TMEM119: variants seen among roughly 807,000 people sequenced by gnomAD.
TMEM119 encodes transmembrane protein 119.
For missense variants in TMEM119, 410 were observed against 381.0 expected (o/e 1.08, Z -0.63); for synonymous variants, 182 against 176.4 (o/e 1.03, Z -0.25).
Position 108,591,591 on chromosome 12 carries a change from C to T in TMEM119, c.793G>A (p.Gly265Arg). The stretch of plus-strand genomic sequence containing the variant: ...GGGCTTTCGGGGGGACCCACTGGTC[C>T]CTGGGCTTCCTGGGCTAACAAGAGA... ...GSLLLAQEAQ[G>R]PVGPPESPCA... Residue 265 changes from glycine to arginine, a missense_variant, in exon 2 of 2, where the codon GGA becomes AGA. Physicochemically the swap from Gly to Arg is moderately radical, Grantham distance 125. Coordinates refer to ENST00000392806, the MANE Select transcript of TMEM119 (RefSeq NM_181724.3). The surrounding 1 kb of genome is among the most constrained non-coding windows in gnomAD (Gnocchi z 4.2). 1 of 1,613,606 alleles carries T rather than the reference C, an allele frequency of 6.2e-7. No individual in the cohort carries two copies. Among genetic ancestry groups the T allele is most frequent in the African/African-American group, 1.3e-5 (1 of 75,024 alleles).
At position 108,590,219 on chromosome 12, in the gene TMEM119, T is replaced by C. The variant is rs565520108; in HGVS notation, c.*1313A>G. 7 of 152,166 alleles carry C rather than the reference T, an allele frequency of 4.6e-5. No homozygotes were observed. The highest frequency in any genetic ancestry group is 4.6e-4 in the Admixed American group (7 of 15,290). The allele number at this position is 152,166 out of a possible 1,614,324, so 9.4% of individuals were successfully genotyped here. On this transcript the variant is annotated 3_prime_UTR_variant, in exon 2 of 2. Transcript: ENST00000392806. ...TCATTCAACCTGATCCCAGCAGCAG[T>C]AGCGGGATGAGAAACTCACCCCCAG...
At chr12:108,595,999 C>T (rs904475250) in intron 1 of TMEM119, among the ~76,000 whole-genome samples, 4 of 152,228 alleles carry the variant, frequency 2.6e-5, no homozygotes, top group Non-Finnish European at 5.9e-5. Context: ...GGCTCCATCG[C>T]ATCCAGCTCT....
Position 108,592,937 on chromosome 12 carries a change from G to A in TMEM119, c.-14-540C>T, listed in dbSNP as rs891878429. On this transcript the variant is annotated intron_variant, in intron 1 of 1. Coordinates refer to ENST00000392806, the MANE Select transcript of TMEM119 (RefSeq NM_181724.3). The surrounding 1 kb of genome is among the most constrained non-coding windows in gnomAD (Gnocchi z 4.3). ...AGTAGGGCTGAGTAAGTGAGAAACC[G>A]ATTGAGTGACTGAGGTTGCTGAGTG... Among the ~76,000 whole-genome samples the A allele has an allele frequency of 2.0e-4, 30 of 151,874 alleles. No individual in the cohort carries two copies. The highest frequency in any genetic ancestry group is 6.0e-4 in the African/African-American group (25 of 41,386).
Position 108,592,166 on chromosome 12 carries a change from G to C in TMEM119, c.218C>G (p.Thr73Ser). Residue 73 changes from threonine (T) to serine (S), a missense_variant, in exon 2 of 2, where the codon ACC (threonine) becomes AGC (serine). Transcript: ENST00000392806. This position sits in a 1 kb window ranked among gnomAD's most constrained non-coding sequence, Gnocchi z 4.3. Reference sequence around the variant, plus strand: ...GGTGGGGGGTGATGGGCCCCCCAGGGTTATGGGCTGGGGCCCCATCGATGT... The same window carrying C: ...GGTGGGGGGTGATGGGCCCCCCAGGCTTATGGGCTGGGGCCCCATCGATGT... ...SPTSMGPQPI[T>S]LGGPSPPTNF... 6.2e-7 allele frequency: 1 copy of C among 1,614,018 alleles called. No homozygotes were observed. The highest frequency in any genetic ancestry group is 2.2e-5 in the East Asian group (1 of 44,858).
At chr12:108,595,133 A>T (rs1204089677) in intron 1 of TMEM119, among the ~76,000 whole-genome samples, 2 of 152,072 alleles carry the variant, frequency 1.3e-5, no homozygotes, top group Non-Finnish European at 2.9e-5. Flanking sequence ...CTGAGCTGGG[A>T]TCTGAACCTT....
intron 1 of TMEM119, among the ~76,000 whole-genome samples, chr12:108,597,524 G>A (rs1444141528): frequency 2.6e-5 from 4 of 151,472 alleles, no homozygotes; most frequent in East Asian, 3.9e-4. Context: ...CAGGCACACC[G>A]ACTCACACAG....
intron 1 of TMEM119, among the ~76,000 whole-genome samples, chr12:108,595,598 C>T (rs923973128): frequency 6.6e-6 from 1 of 151,860 alleles, no homozygotes; most frequent in South Asian, 2.1e-4. Context: ...CACAATCATA[C>T]ACACATGCAC....
At chr12:108,595,866 C>T (rs2031497233) in intron 1 of TMEM119, among the ~76,000 whole-genome samples, 1 of 152,200 alleles carries the variant, frequency 6.6e-6, no homozygotes, top group African/African-American at 2.4e-5. Context: ...TCCCTGCCTC[C>T]CACCCCCAGT....
At chr12:108,596,429 A>AACACACACAC (rs34838480) in intron 1 of TMEM119, among the ~76,000 whole-genome samples, 19 of 150,436 alleles carry the variant, frequency 1.3e-4, no homozygotes, top group African/African-American at 4.6e-4. Flanking sequence ...ATATACATAC[A>AACACACACAC]ACACACACAC....
Position 108,590,819 on chromosome 12 carries a change from C to T in TMEM119, c.*713G>A, listed in dbSNP as rs1592804374. 6.6e-6 allele frequency: 1 copy of T among 152,166 alleles called. No homozygotes were observed. Among genetic ancestry groups the T allele is most frequent in the Admixed American group, 6.5e-5 (1 of 15,282 alleles). 9.4% of individuals were successfully genotyped at this position (152,166 alleles called of 1,614,324 possible). The stretch of plus-strand genomic sequence containing the variant: ...CAGAAGTGTCCTAATTAACCACACA[C>T]ACTTCTGCTGCTGGAGCTCTGAGCA... On this transcript the variant is annotated 3_prime_UTR_variant, in exon 2 of 2. Coordinates refer to ENST00000392806, the MANE Select transcript of TMEM119 (RefSeq NM_181724.3).
At position 108,595,503 on chromosome 12, in the gene TMEM119, G is replaced by A. The variant is rs544005202; in HGVS notation, c.-15+2467C>T. 5.9e-5 allele frequency among the ~76,000 whole-genome samples: 8 copies of A among 136,056 alleles called. No individual in the cohort carries two copies. In the East Asian group the frequency reaches 1.3e-3, roughly 22 times the overall value. 89.3% of individuals were successfully genotyped at this position (136,056 alleles called of 152,430 possible). A position where few individuals can be genotyped will look rare whatever the true frequency, so the allele number is the denominator to read the frequency against. On this transcript the variant is annotated intron_variant, in intron 1 of 1. Coordinates refer to ENST00000392806, the MANE Select transcript of TMEM119 (RefSeq NM_181724.3). ...ACCCCACACACAAACATGCACACACGCCACACATACCCATATACACCCCAC... is the reference window on the plus strand; with the variant it reads ...ACCCCACACACAAACATGCACACACACCACACATACCCATATACACCCCAC...
chr12:108,596,692 G>A (rs1180303366), intron 1 of TMEM119, among the ~76,000 whole-genome samples: 1 of 152,256 alleles, frequency 6.6e-6, no homozygotes, highest in African/African-American at 2.4e-5. Flanking sequence ...TCTGTGGAAT[G>A]AAGCACTGTT....
Position 108,591,457 on chromosome 12 carries a change from C to A in TMEM119, c.*75G>T. 1 of 1,485,140 alleles carries A rather than the reference C, an allele frequency of 6.7e-7. No individual in the cohort carries two copies. The allele number at this position is 1,485,140 out of a possible 1,614,324, so 92.0% of individuals were successfully genotyped here. On this transcript the variant is annotated 3_prime_UTR_variant, in exon 2 of 2. Coordinates refer to ENST00000392806, the MANE Select transcript of TMEM119 (RefSeq NM_181724.3). This position sits in a 1 kb window ranked among gnomAD's most constrained non-coding sequence, Gnocchi z 4.2. ...AGGGAGTGTCAGGAAGCAGTCAGGG[C>A]TGAAGGCCTTTTCATACACGGGGAG...
rs545058616 is a variant in TMEM119 at position 108,596,220 on chromosome 12, C to G, written c.-15+1750G>C. Among the ~76,000 whole-genome samples, 8 of 152,254 alleles carry G rather than the reference C, an allele frequency of 5.3e-5. No individual in the cohort carries two copies. The East Asian group carries it at 1.5e-3, about 29-fold the overall frequency. Reference sequence around the variant, plus strand: ...CAGGTTCAGCCAGCAATTTCCCACCCTGAGTCGACAAATGAGCACCATCGC... The same window carrying G: ...CAGGTTCAGCCAGCAATTTCCCACCGTGAGTCGACAAATGAGCACCATCGC... On this transcript the variant is annotated intron_variant, in intron 1 of 1. Coordinates refer to ENST00000392806, the MANE Select transcript of TMEM119 (RefSeq NM_181724.3).
Position 108,591,471 on chromosome 12 carries a change from A to G in TMEM119, c.*61T>C, listed in dbSNP as rs1158470564. On this transcript the variant is annotated 3_prime_UTR_variant, in exon 2 of 2. Transcript: ENST00000392806. This position sits in a 1 kb window ranked among gnomAD's most constrained non-coding sequence, Gnocchi z 4.2. ...AGCAGTCAGGGCTGAAGGCCTTTTCATACACGGGGAGGTGACCACTTGGGG... is the reference window on the plus strand; with the variant it reads ...AGCAGTCAGGGCTGAAGGCCTTTTCGTACACGGGGAGGTGACCACTTGGGG... The G allele has an allele frequency of 2.0e-6, 3 of 1,506,952 alleles. No homozygotes were observed. Among genetic ancestry groups the G allele is most frequent in the East Asian group, 4.6e-5 (2 of 43,470 alleles). The allele number at this position is 1,506,952 out of a possible 1,614,324, so 93.3% of individuals were successfully genotyped here.
intron 1 of TMEM119, among the ~76,000 whole-genome samples, chr12:108,597,440 G>A (rs2031521563): frequency 6.7e-6 from 1 of 149,766 alleles, no homozygotes; most frequent in Non-Finnish European, 1.5e-5. Context: ...GGGGGGTCCT[G>A]GGGGCACAAT....
In TMEM119 at chr12:108,592,114, G is replaced by T; in HGVS notation, c.270C>A (p.Phe90Leu). Residue 90 changes from phenylalanine (F) to leucine (L), a missense_variant, in exon 2 of 2, where the codon TTC becomes TTA. Physicochemically the swap from Phe to Leu is conservative, Grantham distance 22. Transcript: ENST00000392806. The surrounding 1 kb of genome is among the most constrained non-coding windows in gnomAD (Gnocchi z 4.3). ...PTNFLDGIVD[F>L]FRQYVMLIAV... Reference sequence around the variant, plus strand: ...CAATCAGCATCACGTACTGGCGGAAGAAGTCCACTATCCCATCCAGGAAGT... The same window carrying T: ...CAATCAGCATCACGTACTGGCGGAATAAGTCCACTATCCCATCCAGGAAGT... 1 of 1,614,178 alleles carries T rather than the reference G, an allele frequency of 6.2e-7. No homozygotes were observed. Among genetic ancestry groups the T allele is most frequent in the Non-Finnish European group, 8.5e-7 (1 of 1,180,026 alleles).
chr12:108,595,571 C>T (rs2031492377), intron 1 of TMEM119, among the ~76,000 whole-genome samples: 1 of 151,892 alleles, frequency 6.6e-6, no homozygotes, highest in Non-Finnish European at 1.5e-5. Context: ...CCCCTATACA[C>T]ACATTCACAT....
At chr12:108,595,261 C>T (rs578052021) in intron 1 of TMEM119, among the ~76,000 whole-genome samples, 1 of 151,842 alleles carries the variant, frequency 6.6e-6, no homozygotes, top group South Asian at 2.1e-4. Flanking sequence ...ACACGCCACA[C>T]ACTCACACAC....
Sources: allele counts gnomAD v4.1 joint callset (sites outside exome capture counted in the v4.1 genomes callset), GRCh38; gene constraint gnomAD v4.1.1; non-coding constraint Gnocchi (gnomAD v3.1); transcripts MANE v1.5; gene names NCBI Gene and HGNC (gene_info 2026-07-23, HGNC 2026-07-21).